VIPR1: variants seen among roughly 807,000 people sequenced by gnomAD.
VIPR1 encodes the protein vasoactive intestinal polypeptide receptor 1.
VIPR1 carries 59 observed loss-of-function variants against 58.8 expected under a neutral mutation model. The ratio of observed to expected loss-of-function variants is 1.00; its 90% CI spans 0.81 to 1.25. The LOEUF (loss-of-function observed/expected upper bound fraction) is 1.25, where lower values mean the gene tolerates loss of function less well. Among genes scored for constraint, VIPR1 ranks in the 50% most tolerant of loss-of-function variants. VIPR1 has a pLI of 0.00. For missense variants in VIPR1, 626 were observed against 602.7 expected, an observed-to-expected ratio of 1.04 and a Z score of -0.40; for synonymous variants, 251 against 242.1, an observed-to-expected ratio of 1.04 and a Z score of -0.34.
chr3:42,499,314 G>A (rs925468029), upstream of VIPR1, among the ~76,000 whole-genome samples: 3 of 152,220 alleles, frequency 2.0e-5, no homozygotes, highest in Admixed American at 6.5e-5. Context: ...GTGAGTGCAC[G>A]ATTCTGAGAG....
rs1291861341 is a variant in VIPR1, at chr3:42,531,199, C to CAGGGCCACTGCTAATCTATAA, written c.791-265_791-245dup. 62 of 610,016 alleles carry CAGGGCCACTGCTAATCTATAA rather than the reference C, an allele frequency of 1.0e-4. No homozygotes were observed. In the African/African-American group the frequency reaches 1.1e-3, roughly 11 times the overall value. The allele number at this position is 610,016 out of a possible 1,614,324, so 37.8% of individuals were successfully genotyped here. A position where few individuals can be genotyped will look rare whatever the true frequency, so the allele number is the denominator to read the frequency against. On this transcript the variant is annotated intron_variant, in intron 7 of 12. Transcript: ENST00000325123. Reference sequence around the variant, plus strand: ...ATTTCCCTTTAGTTCCCGAAATACACAGGGCCACTGCTAATCTATAAAGGG... The same window carrying CAGGGCCACTGCTAATCTATAA: ...ATTTCCCTTTAGTTCCCGAAATACACAGGGCCACTGCTAATCTATAAAGGGCCACTGCTAATCTATAAAGGG...
chr3:42,519,013 A>G (rs898952428), intron 2 of VIPR1, among the ~76,000 whole-genome samples: 1 of 152,326 alleles, frequency 6.6e-6, no homozygotes, highest in African/African-American at 2.4e-5. Context: ...CTAAGGACCA[A>G]GGAACTGTAG....
intron 1 of VIPR1, among the ~76,000 whole-genome samples, chr3:42,491,750 T>C (rs1001743087): frequency 2.6e-5 from 4 of 152,154 alleles, no homozygotes; most frequent in East Asian, 1.9e-4. Flanking sequence ...AATTTTAGTA[T>C]TTTTAGTAGA....
rs771905036 is a variant in VIPR1 at position 42,531,878 on chromosome 3, C to T, written c.918+9C>T. The T allele has an allele frequency of 1.2e-6, 2 of 1,614,024 alleles. No individual in the cohort carries two copies. The highest frequency in any genetic ancestry group is 1.3e-5 in the African/African-American group (1 of 74,924). On this transcript the variant is annotated intron_variant, in intron 9 of 12. Coordinates refer to ENST00000325123, the MANE Select transcript of VIPR1 (RefSeq NM_004624.4). Reference sequence around the variant, plus strand: ...TCCTCACCTCCATCTTGGTAAGATACCCTCCCACCACCTAGAGATGGGGAA... The same window carrying T: ...TCCTCACCTCCATCTTGGTAAGATATCCTCCCACCACCTAGAGATGGGGAA...
chr3:42,491,065 G>T (rs1171485533), intron 1 of VIPR1, among the ~76,000 whole-genome samples: 3 of 152,098 alleles, frequency 2.0e-5, no homozygotes, highest in Non-Finnish European at 2.9e-5. Flanking sequence ...CACCACAGGG[G>T]CACAAGCAGC....
At chr3:42,497,685 G>T (rs1454065385), upstream of VIPR1, among the ~76,000 whole-genome samples, 1 of 152,102 alleles carries the variant, frequency 6.6e-6, no homozygotes, top group Non-Finnish European at 1.5e-5. Context: ...TGAATCATGG[G>T]GGCGGTTTCC....
At chr3:42,531,443 G>T (rs1432358042) in intron 7 of VIPR1, 28 bp from the exon 8 acceptor site, 2 of 1,560,466 alleles carry the variant, frequency 1.3e-6, no homozygotes, top group Non-Finnish European at 8.7e-7. Context: ...TGCCCTCTCT[G>T]CTCTTTCACT....
intron 7 of VIPR1, chr3:42,531,225 C>A: frequency 1.6e-6 from 1 of 612,648 alleles, no homozygotes; most frequent in East Asian, 2.7e-5. Flanking sequence ...CTATAAAGGG[C>A]CTCTGTCACA....
Position 42,494,965 on chromosome 3 carries a change from A to G in VIPR1, c.-245+5287A>G, listed in dbSNP as rs1222737907. 5.3e-5 allele frequency among the ~76,000 whole-genome samples: 8 copies of G among 152,282 alleles called. No individual in the cohort carries two copies. In the East Asian group the frequency reaches 1.5e-3, roughly 29 times the overall value. On this transcript the variant is annotated intron_variant, in intron 1 of 13. Transcript: ENST00000433647. ...TACTTCCTTACCATAATAATTACTT[A>G]AAAGGGTGATTTCTGGTGTTTTAAA...
chr3:42,508,016 G>A (rs1700198884), intron 1 of VIPR1: 1 of 149,352 alleles, frequency 6.7e-6, no homozygotes, highest in Non-Finnish European at 1.5e-5. Context: ...GCTAAGGGAT[G>A]TAAAAATACA....
chr3:42,522,101 ATTTT>A (rs1158302778), intron 3 of VIPR1, among the ~76,000 whole-genome samples: 361 of 35,140 alleles, frequency 0.01, 1 homozygote, highest in African/African-American at 0.018. Context: ...ATATATATAT[ATTTT>A]TTTTTTTTTT....
intron 6 of VIPR1, 62 bp downstream of exon 6, chr3:42,528,185 C>G: frequency 6.4e-7 from 1 of 1,568,496 alleles, no homozygotes; most frequent in South Asian, 1.1e-5. Context: ...CCACTGTAAT[C>G]TCCTCTTCTC....
chr3:42,527,502 G>A lies in VIPR1; in HGVS notation c.503+6G>A, dbSNP rs1028463272. The A allele has an allele frequency of 2.5e-6, 4 of 1,612,866 alleles. No homozygotes were observed. The highest frequency in any genetic ancestry group is 2.7e-5 in the African/African-American group (2 of 74,878). ...GCTATCCTGAGCCTGTTCAGGTGAG[G>A]CCCAGCCCAAGTCACAGGCCTCAAA... On this transcript the variant is annotated splice_donor_region_variant and intron_variant, in intron 5 of 12. Coordinates refer to ENST00000325123, the MANE Select transcript of VIPR1 (RefSeq NM_004624.4).
chr3:42,502,808 C>T lies in VIPR1; in HGVS notation c.73C>T (p.Pro25Ser), dbSNP rs1020538812. ...LAGALAWALG[P>S]AGGQAARLQE... is the part of the protein sequence containing the mutation. ...AGGCGCCCTCGCCTGGGCCCTTGGG[C>T]CGGCGGTGAGTGTTCGCCCGGCCGC... Residue 25 changes from proline (P) to serine (S), a missense_variant, in exon 1 of 13, where the codon CCG becomes TCG. By Grantham distance (74) the Pro-to-Ser change is moderately conservative (BLOSUM62 -1). Coordinates refer to ENST00000325123, the MANE Select transcript of VIPR1 (RefSeq NM_004624.4). 3 of 1,267,220 alleles carry T rather than the reference C, an allele frequency of 2.4e-6. No individual in the cohort carries two copies. The African/African-American group carries it at 4.6e-5, about 20-fold the overall frequency. 78.5% of individuals were successfully genotyped at this position (1,267,220 alleles called of 1,614,324 possible). A position where few individuals can be genotyped will look rare whatever the true frequency, so the allele number is the denominator to read the frequency against.
chr3:42,536,414 G>A lies in VIPR1; in HGVS notation c.*133G>A, dbSNP rs1399995942. On this transcript the variant is annotated 3_prime_UTR_variant, in exon 13 of 13. Coordinates refer to ENST00000325123, the MANE Select transcript of VIPR1 (RefSeq NM_004624.4). ...GCTCGGAGGCTGCCCCCGGCCCCCT[G>A]GTCTCTGGTCCGGACACTCCTAGAG... 1.0e-6 allele frequency: 1 copy of A among 994,700 alleles called. No homozygotes were observed. The highest frequency in any genetic ancestry group is 1.4e-6 in the Non-Finnish European group (1 of 708,930). 61.6% of individuals were successfully genotyped at this position (994,700 alleles called of 1,614,324 possible).
At chr3:42,529,604 G>C (rs1236105588) in intron 6 of VIPR1, 1 of 152,302 alleles carries the variant, frequency 6.6e-6, no homozygotes, top group African/African-American at 2.4e-5. Flanking sequence ...GGGGGCAGGG[G>C]GAGGCTTCTC....
At position 42,536,137 on chromosome 3, in the gene VIPR1, C is replaced by T. The variant is rs764229395; in HGVS notation, c.1230C>T (p.Gly410=). 12 of 1,605,732 alleles carry T rather than the reference C, an allele frequency of 7.5e-6. No individual in the cohort carries two copies. In the East Asian group the frequency reaches 2.0e-4, roughly 27 times the overall value. Residue 410 remains glycine (G), a synonymous_variant, in exon 13 of 13, where the codon GGC becomes GGT. Coordinates refer to ENST00000325123, the MANE Select transcript of VIPR1 (RefSeq NM_004624.4). ...RRKWRRWHLQ[G]VLGWNPKYRH... ...AGTGGCGGCGCTGGCACCTGCAGGG[C>T]GTCCTGGGCTGGAACCCCAAATACC...
chr3:42,525,758 C>A, intron 3 of VIPR1, 129 bp from the exon 4 acceptor site: 1 of 975,962 alleles, frequency 1.0e-6, no homozygotes, highest in Non-Finnish European at 1.5e-6. Context: ...TGGGTCAGGG[C>A]AGCTGGAACC....
intron 1 of VIPR1, among the ~76,000 whole-genome samples, chr3:42,495,641 G>A (rs1347370816): frequency 1.3e-5 from 2 of 151,984 alleles, no homozygotes; most frequent in African/African-American, 4.8e-5. Context: ...AAGTCAGACA[G>A]CTTCAAAGCT....
Sources: gnomAD v4.1 joint callset for allele counts (sites outside exome capture counted in the v4.1 genomes callset) on GRCh38, gnomAD v4.1.1 for gene constraint, MANE v1.5 for transcripts, NCBI Gene and HGNC (gene_info 2026-07-23, HGNC 2026-07-21) for gene names.